Variants in SPMIP3 observed in about 807,000 individuals in gnomAD.
The protein encoded by SPMIP3 is sperm microtubule inner protein 3.
chr1:244,379,945 G>A, the SPMIP3 span, among the ~76,000 whole-genome samples: 10 of 135,568 alleles, frequency 7.4e-5, no homozygotes, highest in African/African-American at 2.2e-4. Context: ...TCCAGCCTGG[G>A]CAACAGGAGC....
the SPMIP3 span, chr1:244,389,279 C>T: frequency 1.0e-5 from 4 of 389,924 alleles, no homozygotes; most frequent in Non-Finnish European, 1.4e-5. Flanking sequence ...ATTTAAGCCC[C>T]ACTCCCAGTC....
the SPMIP3 span, among the ~76,000 whole-genome samples, chr1:244,380,093 G>A: frequency 6.6e-6 from 1 of 151,012 alleles, no homozygotes; most frequent in Admixed American, 6.6e-5. Flanking sequence ...TTTAGTTCTT[G>A]GGATGAATTA....
At chr1:244,382,212 G>A in the SPMIP3 span, among the ~76,000 whole-genome samples, 1 of 104,750 alleles carries the variant, frequency 9.5e-6, no homozygotes, top group South Asian at 3.4e-4. Context: ...GCATAGCCAA[G>A]TGCATTTTTT....
the SPMIP3 span, among the ~76,000 whole-genome samples, chr1:244,369,140 C>T: frequency 1.3e-5 from 2 of 151,950 alleles, no homozygotes; most frequent in Non-Finnish European, 2.9e-5. Context: ...AGCCTGGCGA[C>T]AGAGCCAGAC....
chr1:244,374,558 G>A, the SPMIP3 span, among the ~76,000 whole-genome samples: 7 of 148,260 alleles, frequency 4.7e-5, no homozygotes, highest in African/African-American at 1.5e-4. Context: ...TTCAGACAGA[G>A]CCCTCCGTTT....
At chr1:244,385,803 C>A in the SPMIP3 span, among the ~76,000 whole-genome samples, 1 of 152,088 alleles carries the variant, frequency 6.6e-6, no homozygotes, top group Non-Finnish European at 1.5e-5. Flanking sequence ...GCATATATCA[C>A]TGAGATTAAT....
At chr1:244,377,380 C>T in the SPMIP3 span, among the ~76,000 whole-genome samples, 13 of 152,344 alleles carry the variant, frequency 8.5e-5, no homozygotes, top group African/African-American at 2.9e-4. Context: ...CTCGGCCTCC[C>T]AAAGTGCTGG....
the SPMIP3 span, among the ~76,000 whole-genome samples, chr1:244,369,664 A>G: frequency 6.6e-6 from 1 of 150,836 alleles, no homozygotes; most frequent in Admixed American, 6.6e-5. Flanking sequence ...TCTGATTTAC[A>G]TAGGGCACGA....
chr1:244,364,618 C>G, the SPMIP3 span: 1 of 1,287,324 alleles, frequency 7.8e-7, no homozygotes, highest in South Asian at 1.2e-5. Flanking sequence ...CTTTGTGGTA[C>G]TAGATATCTC....
chr1:244,384,555 G>A, the SPMIP3 span, among the ~76,000 whole-genome samples: 1 of 152,108 alleles, frequency 6.6e-6, no homozygotes, highest in Non-Finnish European at 1.5e-5. Flanking sequence ...TAAAAAATCT[G>A]GACGCCCAGG....
At chr1:244,389,179 T>C in the SPMIP3 span, 32 of 768,820 alleles carry the variant, frequency 4.2e-5, no homozygotes, top group Middle Eastern at 7.0e-4. Context: ...ATGGCTATAA[T>C]CCTAAAATAT....
chr1:244,375,730 T>A, the SPMIP3 span, among the ~76,000 whole-genome samples: 3 of 152,034 alleles, frequency 2.0e-5, no homozygotes, highest in Non-Finnish European at 4.4e-5. Context: ...AGTGGCGAGA[T>A]CTTGCCTCAC....
chr1:244,378,652 A>G, the SPMIP3 span: 3 of 1,605,478 alleles, frequency 1.9e-6, no homozygotes, highest in South Asian at 3.3e-5. Context: ...AAGTCAGGCC[A>G]ACTGCTCTTA....
the SPMIP3 span, among the ~76,000 whole-genome samples, chr1:244,362,482 T>G: frequency 6.6e-6 from 1 of 152,188 alleles, no homozygotes; most frequent in Non-Finnish European, 1.5e-5. Flanking sequence ...TAGGAGTTAA[T>G]ACATGTTACC....
the SPMIP3 span, among the ~76,000 whole-genome samples, chr1:244,366,799 G>A: frequency 7.6e-4 from 115 of 152,162 alleles, no homozygotes; most frequent in Non-Finnish European, 1.5e-3. Flanking sequence ...AGAATCGCTT[G>A]AACCCAGGAG....
chr1:244,382,134 G>A, the SPMIP3 span, among the ~76,000 whole-genome samples: 131 of 152,182 alleles, frequency 8.6e-4, no homozygotes, highest in African/African-American at 2.4e-3. Flanking sequence ...GCTATCTGCC[G>A]AATACAGTGA....
the SPMIP3 span, among the ~76,000 whole-genome samples, chr1:244,361,615 C>T: frequency 6.6e-6 from 1 of 152,074 alleles, no homozygotes; most frequent in Non-Finnish European, 1.5e-5. Context: ...GATGGACACC[C>T]GCATTACCCT....
chr1:244,373,808 T>C, the SPMIP3 span, among the ~76,000 whole-genome samples: 1 of 151,914 alleles, frequency 6.6e-6, no homozygotes, highest in Admixed American at 6.6e-5. Context: ...AAAAGCAATG[T>C]ACTATAAAAT....
At chr1:244,372,476 C>CA in the SPMIP3 span, among the ~76,000 whole-genome samples, 6 of 148,862 alleles carry the variant, frequency 4.0e-5, no homozygotes, top group African/African-American at 1.5e-4. Context: ...TGGAGTCTCA[C>CA]TCTGTCCCCC....
Sources: gnomAD v4.1 joint callset for allele counts (sites outside exome capture counted in the v4.1 genomes callset) on GRCh38, gnomAD v4.1.1 for gene constraint, MANE v1.5 for transcripts, NCBI Gene and HGNC (gene_info 2026-07-23, HGNC 2026-07-21) for gene names.